ALG1: variants seen among roughly 807,000 people sequenced by gnomAD.
The protein encoded by ALG1 is ALG1 chitobiosyldiphosphodolichol beta-mannosyltransferase, also known as chitobiosyldiphosphodolichol beta-mannosyltransferase.
In ALG1, 58 loss-of-function variants were observed where a neutral mutation model predicts 55.1. The observed-to-expected ratio is 1.05, with a 90% CI of 0.85 to 1.31. The LOEUF is 1.31. Ranked by LOEUF, ALG1 falls within the 50% of genes most tolerant of loss-of-function variation. ALG1 has a pLI of 0.00. For missense variants in ALG1, 761 were observed against 598.6 expected (o/e 1.27, Z -2.83); for synonymous variants, 309 against 247.0 (o/e 1.25, Z -2.35).
At chr16:5,083,584 G>A (rs747351596) in intron 11 of ALG1, 98 bp from the exon 12 acceptor site, 6 of 1,589,586 alleles carry the variant, frequency 3.8e-6, no homozygotes, top group African/African-American at 1.3e-5. Context: ...CCCCCAGCCT[G>A]GCTTGAGCAT....
chr16:5,083,774 C>G lies in ALG1; in HGVS notation c.1263+17C>G. 6.3e-7 allele frequency: 1 copy of G among 1,597,610 alleles called. No individual in the cohort carries two copies. Among genetic ancestry groups the G allele is most frequent in the Non-Finnish European group, 8.5e-7 (1 of 1,179,786 alleles). On this transcript the variant is annotated intron_variant, in intron 12 of 12. Coordinates refer to ENST00000262374, the MANE Select transcript of ALG1 (RefSeq NM_019109.5). Reference sequence around the variant, plus strand: ...CAGCTGCAGGTAGCCACGTCTGCCACCACGCCAGGGTGGGGAGGGTTCTGG... The same window carrying G: ...CAGCTGCAGGTAGCCACGTCTGCCAGCACGCCAGGGTGGGGAGGGTTCTGG...
chr16:5,072,093 C>A, intron 1 of ALG1, 36 bp downstream of exon 1: 1 of 1,552,450 alleles, frequency 6.4e-7, no homozygotes, highest in East Asian at 2.4e-5. Flanking sequence ...ACGATGCTCT[C>A]TCAGCCGTTG....
At chr16:5,084,601 G>A in intron 12 of ALG1, 149 bp from the exon 13 acceptor site, 2 of 1,217,104 alleles carry the variant, frequency 1.6e-6, no homozygotes, top group South Asian at 2.6e-5. Context: ...GAGTGCTGCT[G>A]GGGTGTGAAG....
rs1957038768 is a variant in ALG1 at position 5,082,771 on chromosome 16, C to G, written c.1187+98C>G. ...GAGCTGCCCACAGTGAGGCCCTGCC[C>G]CTCGGTCAGTCCGGCACACACTGGA... On this transcript the variant is annotated intron_variant, in intron 11 of 12. Transcript: ENST00000262374. 8 of 1,434,264 alleles carry G rather than the reference C, an allele frequency of 5.6e-6. No homozygotes were observed. The South Asian group carries it at 9.3e-5, about 17-fold the overall frequency. The allele number at this position is 1,434,264 out of a possible 1,614,324, so 88.8% of individuals were successfully genotyped here.
At chr16:5,080,715 C>T (rs971319300) in intron 9 of ALG1, among the ~76,000 whole-genome samples, 1 of 152,228 alleles carries the variant, frequency 6.6e-6, no homozygotes, top group African/African-American at 2.4e-5. Context: ...AGCCCGAGGC[C>T]AGCTGGCTGC....
intron 10 of ALG1, 43 bp from the exon 11 acceptor site, chr16:5,082,516 A>C: frequency 6.3e-7 from 1 of 1,595,940 alleles, no homozygotes; most frequent in South Asian, 1.1e-5. Context: ...TTGTGTTCCC[A>C]GGGCAGAGAC....
chr16:5,084,704 G>T (rs555766447), intron 12 of ALG1, 46 bp from the exon 13 acceptor site: 2 of 1,596,300 alleles, frequency 1.3e-6, no homozygotes, highest in African/African-American at 2.7e-5. Flanking sequence ...CTGGGATGGG[G>T]TGGGGACAGG....
At chr16:5,080,869 G>C (rs1957004227) in intron 9 of ALG1, 77 bp from the exon 10 acceptor site, 3 of 1,549,724 alleles carry the variant, frequency 1.9e-6, no homozygotes, top group Admixed American at 1.7e-5. Flanking sequence ...CCCTCCTAGG[G>C]GGGAGTGTCT....
intron 8 of ALG1, 62 bp from the exon 9 acceptor site, chr16:5,079,686 C>T (rs1375074102): frequency 2.0e-6 from 3 of 1,525,268 alleles, no homozygotes; most frequent in South Asian, 2.2e-5. Context: ...GAGAGTCTGT[C>T]AGAAAAAAAA....
At chr16:5,079,298 C>G (rs889719308) in intron 8 of ALG1, among the ~76,000 whole-genome samples, 196 bp downstream of exon 8, 10 of 152,206 alleles carry the variant, frequency 6.6e-5, no homozygotes, top group Non-Finnish European at 1.3e-4. Context: ...GCTGAAATGC[C>G]CCCTCCAGGA....
Position 5,075,388 on chromosome 16 carries a change from A to G in ALG1, c.391A>G (p.Asn131Asp). 1 of 1,614,090 alleles carries G rather than the reference A, an allele frequency of 6.2e-7. No homozygotes were observed. The change falls in exon 4 of 13, where the codon AAC (asparagine) becomes GAC (aspartate). Residue 131 changes from asparagine to aspartate, a missense_variant and splice_region_variant. By Grantham distance (23) the Asn-to-Asp change is conservative. Coordinates refer to ENST00000262374, the MANE Select transcript of ALG1 (RefSeq NM_019109.5). ...CCCTTCAAGTCTCTATCTTTCCTAG[A>G]ACCCCCCAGGTCTGCCTAGCATTGC... Reference protein sequence around the residue: ...REPGAYIFLQNPPGLPSIAVC... With the variant: ...REPGAYIFLQDPPGLPSIAVC...
At chr16:5,079,981 G>A (rs937350819) in intron 9 of ALG1, among the ~76,000 whole-genome samples, 174 bp downstream of exon 9, 2 of 152,040 alleles carry the variant, frequency 1.3e-5, no homozygotes, top group Non-Finnish European at 2.9e-5. Flanking sequence ...GGCAGGGCAG[G>A]GAGCCCAGAT....
rs368723422 is a variant in ALG1, at chr16:5,076,591, G to A, written c.540-854G>A. Among the ~76,000 whole-genome samples, 64 of 152,290 alleles carry A rather than the reference G, an allele frequency of 4.2e-4. 1 individual carries two copies. Among genetic ancestry groups the A allele is most frequent in the Admixed American group, 1.2e-3 (18 of 15,300 alleles). ...GAGGAACAGGCGATGATACCCTGGC[G>A]GTGATAAATAACCCAGAATCGCGCA... is the stretch of plus-strand genomic sequence containing the variant. On this transcript the variant is annotated intron_variant, in intron 4 of 12. Transcript: ENST00000262374.
intron 1 of ALG1, 151 bp from the exon 2 acceptor site, chr16:5,072,800 G>T: frequency 6.2e-6 from 5 of 807,408 alleles, no homozygotes; most frequent in Non-Finnish European, 1.1e-5. Flanking sequence ...AGAATTGGCC[G>T]CATTCTCTGT....
chr16:5,081,290 A>G (rs1442601497), intron 10 of ALG1, among the ~76,000 whole-genome samples: 1 of 152,114 alleles, frequency 6.6e-6, no homozygotes, highest in Non-Finnish European at 1.5e-5. Context: ...CACGCCCTCC[A>G]TTCAGTCCTC....
chr16:5,077,595 T>TGA, intron 5 of ALG1, 61 bp downstream of exon 5: 1 of 1,505,940 alleles, frequency 6.6e-7, no homozygotes. Context: ...TTGGCTGCAG[T>TGA]GAGAGCTGCC....
intron 9 of ALG1, 79 bp from the exon 10 acceptor site, chr16:5,080,867 G>C: frequency 6.5e-7 from 1 of 1,548,960 alleles, no homozygotes; most frequent in Non-Finnish European, 8.8e-7. Context: ...ATCCCTCCTA[G>C]GGGGGAGTGT....
chr16:5,083,565 C>T, intron 11 of ALG1, 117 bp from the exon 12 acceptor site: 2 of 1,569,204 alleles, frequency 1.3e-6, no homozygotes, highest in Non-Finnish European at 1.7e-6. Context: ...ACCACACCCC[C>T]TGTTCCAACC....
At chr16:5,081,219 C>T (rs1253356150) in intron 10 of ALG1, among the ~76,000 whole-genome samples, 163 bp downstream of exon 10, 1 of 152,208 alleles carries the variant, frequency 6.6e-6, no homozygotes, top group African/African-American at 2.4e-5. Context: ...CCCCTCCCTG[C>T]CAGGTGGCCC....
Sources: allele counts gnomAD v4.1 joint callset (sites outside exome capture counted in the v4.1 genomes callset), GRCh38; gene constraint gnomAD v4.1.1; transcripts MANE v1.5; gene names NCBI Gene and HGNC (gene_info 2026-07-23, HGNC 2026-07-21).